The following IFT57 variants were observed in gnomAD, a reference collection of about 807,000 sequenced individuals.
IFT57 encodes intraflagellar transport 57.
IFT57 carries 59 observed loss-of-function variants against 56.8 expected under a neutral mutation model. That is an observed-to-expected ratio of 1.04 (90% CI 0.84 to 1.29). The LOEUF is 1.29. Ranked by LOEUF, IFT57 falls within the 50% of genes most tolerant of loss-of-function variation. The probability of loss-of-function intolerance (pLI) is 0.00; values close to 1 mark genes in which losing one functional copy is unlikely to be tolerated. For missense variants in IFT57, 470 were observed against 522.1 expected (o/e 0.90, Z 0.97); for synonymous variants, 209 against 186.1 (o/e 1.12, Z -1.00).
At chr3:108,203,448 A>G (rs1198278018) in intron 5 of IFT57, among the ~76,000 whole-genome samples, 1 of 152,188 alleles carries the variant, frequency 6.6e-6, no homozygotes. Flanking sequence ...TTATCATGAT[A>G]CTTAAAGAGC....
At chr3:108,199,120 T>C (rs1177617821) in intron 5 of IFT57, among the ~76,000 whole-genome samples, 1 of 152,184 alleles carries the variant, frequency 6.6e-6, no homozygotes, top group Non-Finnish European at 1.5e-5. Flanking sequence ...AATGTTTCTA[T>C]CTGAATGCTG....
At chr3:108,164,384 C>A in intron 9 of IFT57, among the ~76,000 whole-genome samples, 1 of 151,980 alleles carries the variant, frequency 6.6e-6, no homozygotes, top group Non-Finnish European at 1.5e-5. Context: ...GTAGAAAATA[C>A]TATCTTTAAG....
Position 108,191,675 on chromosome 3 carries a change from G to A in IFT57, c.655-32C>T, listed in dbSNP as rs201461104. On this transcript the variant is annotated intron_variant, in intron 5 of 10. Coordinates refer to ENST00000264538, the MANE Select transcript of IFT57 (RefSeq NM_018010.4). ...AAGGAAAGATATCACAAGATTGAGA[G>A]TTTATAAAAAGAAATGGTAAAAATT... is the stretch of plus-strand genomic sequence containing the variant. The A allele has an allele frequency of 5.1e-6, 8 of 1,554,640 alleles. No homozygotes were observed. In the East Asian group the frequency reaches 1.8e-4, roughly 36 times the overall value.
rs111410974 is a variant in IFT57, at chr3:108,163,979, T to C, written c.1045-250A>G. On this transcript the variant is annotated intron_variant, in intron 9 of 10. Transcript: ENST00000264538. The stretch of plus-strand genomic sequence containing the variant: ...ACATCTGTTTTCTCATGTTGCAATA[T>C]ACTAAACACAATCAAAGTTGTTTTA... Among the ~76,000 whole-genome samples the C allele has an allele frequency of 6.4e-4, 97 of 152,184 alleles. No homozygotes were observed. The Middle Eastern group carries it at 0.024, about 37-fold the overall frequency.
intron 6 of IFT57, among the ~76,000 whole-genome samples, chr3:108,180,491 C>T (rs17829434): frequency 6.6e-6 from 1 of 151,880 alleles, no homozygotes; most frequent in Admixed American, 6.6e-5. Flanking sequence ...AGTACTCCCA[C>T]CTTCAGGAAT....
At position 108,191,844 on chromosome 3, in the gene IFT57, A is replaced by T. The variant is rs569642020; in HGVS notation, c.655-201T>A. ...CTGGTAGAATAGCAAAATATGTATT[A>T]AAAAAGAAGCAAATATATGATTCAA... On this transcript the variant is annotated intron_variant, in intron 5 of 10. Transcript: ENST00000264538. Among the ~76,000 whole-genome samples the T allele has an allele frequency of 3.2e-4, 48 of 152,338 alleles. 1 individual carries two copies. In the South Asian group the frequency reaches 3.7e-3, roughly 12 times the overall value.
rs369708269 is a variant in IFT57 at position 108,222,055 on chromosome 3, G to A, written c.212+56C>T. ...AACTGGTTCCCAGCAGGACCAAGGA[G>A]GGCATCTCCCTGGGGGCTAGCAGGC... On this transcript the variant is annotated intron_variant, in intron 1 of 10. Coordinates refer to ENST00000264538, the MANE Select transcript of IFT57 (RefSeq NM_018010.4). 694 of 1,551,640 alleles carry A rather than the reference G, an allele frequency of 4.5e-4. 10 individuals are homozygous for A. The South Asian group carries it at 7.7e-3, about 17-fold the overall frequency.
Position 108,182,410 on chromosome 3 carries a change from G to A in IFT57, c.777+9111C>T, listed in dbSNP as rs181544118. On this transcript the variant is annotated intron_variant, in intron 6 of 10. Transcript: ENST00000264538. ...GTGGTCCCTCCAGGTTCATTCAAAT[G>A]GAATTCTACCTGCTGATTAAAGGAG... Among the ~76,000 whole-genome samples, 15 of 152,110 alleles carry A rather than the reference G, an allele frequency of 9.9e-5. No homozygotes were observed. The East Asian group carries it at 1.5e-3, about 16-fold the overall frequency.
intron 5 of IFT57, among the ~76,000 whole-genome samples, chr3:108,195,703 T>C (rs1180314147): frequency 3.9e-5 from 6 of 152,116 alleles, no homozygotes; most frequent in Admixed American, 3.3e-4. Flanking sequence ...TTATGTTAAA[T>C]GAAATATGCC....
At chr3:108,178,072 T>A (rs923302993) in intron 6 of IFT57, among the ~76,000 whole-genome samples, 2 of 151,806 alleles carry the variant, frequency 1.3e-5, no homozygotes, top group African/African-American at 4.8e-5. Flanking sequence ...AAAGAAACCA[T>A]TTTCAATAGT....
Position 108,184,792 on chromosome 3 carries a change from T to C in IFT57, c.777+6729A>G, listed in dbSNP as rs779992274. On this transcript the variant is annotated intron_variant, in intron 6 of 10. Transcript: ENST00000264538. ...GTGAGCAGTTAGTCTCTATAGTAAA[T>C]TGTGTATCACAGTAAAAAGTTATTT... Among the ~76,000 whole-genome samples the C allele has an allele frequency of 6.6e-5, 10 of 152,200 alleles. 1 individual carries two copies. Among genetic ancestry groups the C allele is most frequent in the African/African-American group, 2.4e-4 (10 of 41,464 alleles).
intron 5 of IFT57, among the ~76,000 whole-genome samples, chr3:108,196,335 A>C (rs2080244282): frequency 6.6e-6 from 1 of 151,984 alleles, no homozygotes; most frequent in South Asian, 2.1e-4. Flanking sequence ...ACAAGGGCGC[A>C]CACCCGTCCA....
At chr3:108,214,752 G>C (rs2080361405) in intron 3 of IFT57, among the ~76,000 whole-genome samples, 1 of 151,928 alleles carries the variant, frequency 6.6e-6, no homozygotes, top group South Asian at 2.1e-4. Flanking sequence ...CTTCTTTTTA[G>C]GTGAAATGTC....
intron 4 of IFT57, among the ~76,000 whole-genome samples, chr3:108,213,211 A>C (rs1232119306): frequency 6.6e-6 from 1 of 152,212 alleles, no homozygotes; most frequent in Non-Finnish European, 1.5e-5. Flanking sequence ...TTGGGAGTCC[A>C]GAGTTATATG....
In IFT57 at chr3:108,214,007, A is replaced by G. The variant is rs779451512; in HGVS notation, c.509T>C (p.Val170Ala). The change falls in exon 4 of 11, where the codon GTA becomes GCA. Residue 170 changes from valine to alanine, a missense_variant. Physicochemically the swap from Val to Ala is moderately conservative, Grantham distance 64. Transcript: ENST00000264538. Reference protein sequence around the residue: ...GFTWKRPIYPVEELEEESVAE... With the variant: ...GFTWKRPIYPAEELEEESVAE... ...AACGCTTTCTTCTTCTAATTCTTCT[A>G]CTGGGTATATTGGCCTAAAATAATA... 3 of 1,597,114 alleles carry G rather than the reference A, an allele frequency of 1.9e-6. No homozygotes were observed. The highest frequency in any genetic ancestry group is 1.7e-5 in the Admixed American group (1 of 59,912).
At chr3:108,215,833 T>C (rs2080369170) in intron 3 of IFT57, among the ~76,000 whole-genome samples, 1 of 152,154 alleles carries the variant, frequency 6.6e-6, no homozygotes. Context: ...CATTTAAACA[T>C]AGTCCTTATA....
chr3:108,175,470 C>T (rs937534653), intron 6 of IFT57, among the ~76,000 whole-genome samples: 1 of 151,828 alleles, frequency 6.6e-6, no homozygotes, highest in Admixed American at 6.6e-5. Flanking sequence ...TCTTCAGAAA[C>T]TGAAAAACTG....
chr3:108,208,653 G>A lies in IFT57; in HGVS notation c.586-1957C>T, dbSNP rs114934159. Among the ~76,000 whole-genome samples, 536 of 152,234 alleles carry A rather than the reference G, an allele frequency of 3.5e-3. 4 individuals are homozygous for A. Among genetic ancestry groups the A allele is most frequent in the Middle Eastern group, 0.014 (4 of 294 alleles). ...TTGCTTCCTGTTCCCATGACCTTAT[G>A]CTTTGCTGGCCTAGAGGTCTTAGTT... On this transcript the variant is annotated intron_variant, in intron 4 of 10. Coordinates refer to ENST00000264538, the MANE Select transcript of IFT57 (RefSeq NM_018010.4).
chr3:108,176,479 A>G (rs7632036), intron 6 of IFT57, among the ~76,000 whole-genome samples: 14,643 of 151,850 alleles, frequency 0.096, 770 homozygotes, highest in Middle Eastern at 0.12. Context: ...TTGTCACCCA[A>G]TTTCAGTAAG....
Sources: allele counts gnomAD v4.1 joint callset (sites outside exome capture counted in the v4.1 genomes callset), GRCh38; gene constraint gnomAD v4.1.1; transcripts MANE v1.5; gene names NCBI Gene and HGNC (gene_info 2026-07-23, HGNC 2026-07-21).